Variants in MAPK10 observed in about 807,000 individuals in gnomAD.
The protein encoded by MAPK10 is JNK3 alpha protein kinase.
MAPK10 carries 25 observed loss-of-function variants against 59.3 expected under a neutral mutation model. The ratio of observed to expected loss-of-function variants is 0.42; its 90% CI spans 0.31 to 0.59. The LOEUF is 0.59. Ranked by LOEUF, MAPK10 falls within the 20% of genes least tolerant of loss-of-function variation. The probability of loss-of-function intolerance (pLI) is 0.15; values close to 1 mark genes in which losing one functional copy is unlikely to be tolerated. For synonymous variants in MAPK10, 190 were observed against 200.5 expected (o/e 0.95, Z 0.44); for missense variants, 351 against 568.9 (o/e 0.62, Z 3.90).
intron 1 of MAPK10, among the ~76,000 whole-genome samples, chr4:86,443,528 G>A (rs1421048964): frequency 6.6e-6 from 1 of 150,870 alleles, no homozygotes; most frequent in Non-Finnish European, 1.5e-5. Flanking sequence ...AGAAGCACTT[G>A]TGAAGTTCAC....
chr4:86,065,942 T>C (rs995870717), intron 10 of MAPK10, among the ~76,000 whole-genome samples: 1 of 152,124 alleles, frequency 6.6e-6, no homozygotes, highest in Non-Finnish European at 1.5e-5. Flanking sequence ...TTATATAAAA[T>C]ACAAAAATCA....
At chr4:86,183,181 C>T (rs1050917541) in intron 3 of MAPK10, among the ~76,000 whole-genome samples, 1 of 151,814 alleles carries the variant, frequency 6.6e-6, no homozygotes, top group Admixed American at 6.6e-5. Context: ...GGTACATGTG[C>T]ACATTGTGCA....
rs564164850 is a variant in MAPK10, at chr4:86,119,171, A to G, written c.237-11819T>C. Among the ~76,000 whole-genome samples, 4 of 152,356 alleles carry G rather than the reference A, an allele frequency of 2.6e-5. No homozygotes were observed. In the South Asian group the frequency reaches 8.3e-4, roughly 32 times the overall value. On this transcript the variant is annotated intron_variant, in intron 4 of 13. Coordinates refer to ENST00000641462, the MANE Select transcript of MAPK10 (RefSeq NM_138982.4). ...TCTGAATAATAATAACTTAAGTAAT[A>G]AAGATATTCATTATATCATATAACA...
chr4:86,033,854 G>A (rs2039616692), intron 11 of MAPK10, among the ~76,000 whole-genome samples: 1 of 152,172 alleles, frequency 6.6e-6, no homozygotes, highest in African/African-American at 2.4e-5. Context: ...CAATATAAAA[G>A]AATAATTGAC....
chr4:86,545,086 C>T (rs541855443), intron 1 of MAPK10, among the ~76,000 whole-genome samples: 1 of 152,158 alleles, frequency 6.6e-6, no homozygotes, highest in East Asian at 1.9e-4. Flanking sequence ...AATAAAGGAG[C>T]CAAATAGTGT....
chr4:86,456,669 A>T (rs1452073441), upstream of MAPK10, among the ~76,000 whole-genome samples: 4 of 152,148 alleles, frequency 2.6e-5, no homozygotes, highest in African/African-American at 9.7e-5. Context: ...TAATAAAAAA[A>T]TTACCAACAA....
At chr4:86,267,030 C>A (rs1019567814) in intron 2 of MAPK10, among the ~76,000 whole-genome samples, 1 of 152,060 alleles carries the variant, frequency 6.6e-6, no homozygotes, top group African/African-American at 2.4e-5. Context: ...CTGTATGAAT[C>A]ATTTTGGTCT....
At chr4:86,537,668 G>A (rs111258151) in intron 1 of MAPK10, among the ~76,000 whole-genome samples, 3,256 of 152,118 alleles carry the variant, frequency 0.021, 63 homozygotes, top group Non-Finnish European at 0.033. Context: ...ATTCTGTCAG[G>A]TTGTTTGTGT....
chr4:86,410,234 C>T (rs936081617), intron 1 of MAPK10, among the ~76,000 whole-genome samples: 4 of 152,212 alleles, frequency 2.6e-5, no homozygotes. Flanking sequence ...ACCAGCCTTG[C>T]ATCCCAGGGA....
chr4:86,519,242 C>T (rs1415092085), intron 1 of MAPK10, among the ~76,000 whole-genome samples: 3 of 152,124 alleles, frequency 2.0e-5, no homozygotes, highest in Non-Finnish European at 4.4e-5. Flanking sequence ...ATTGTGTTGG[C>T]ATCTATCTTA....
intron 9 of MAPK10, among the ~76,000 whole-genome samples, chr4:86,086,767 T>A (rs1264105461): frequency 2.0e-5 from 3 of 152,172 alleles, no homozygotes; most frequent in African/African-American, 7.2e-5. Flanking sequence ...GTATTTTCAG[T>A]AACTCATTTC....
intron 11 of MAPK10, among the ~76,000 whole-genome samples, chr4:86,041,564 A>C (rs1318335127): frequency 2.6e-5 from 4 of 152,168 alleles, no homozygotes; most frequent in Non-Finnish European, 5.9e-5. Flanking sequence ...AAGGGAGAAA[A>C]TTTTTGCAAT....
chr4:86,323,383 A>G (rs1170989597), intron 2 of MAPK10, among the ~76,000 whole-genome samples: 1 of 152,166 alleles, frequency 6.6e-6, no homozygotes, highest in African/African-American at 2.4e-5. Context: ...TCTGACATCA[A>G]TTAGAAGTGG....
chr4:86,332,189 AAC>A (rs1379865662), intron 2 of MAPK10, among the ~76,000 whole-genome samples: 1 of 152,192 alleles, frequency 6.6e-6, no homozygotes, highest in East Asian at 1.9e-4. Flanking sequence ...AAGATATTAA[AAC>A]AATAAATTAT....
intron 2 of MAPK10, among the ~76,000 whole-genome samples, chr4:86,304,147 G>C (rs899683976): frequency 2.0e-5 from 3 of 152,156 alleles, no homozygotes; most frequent in Non-Finnish European, 4.4e-5. Context: ...AGGAGGAAAG[G>C]AAAGTCAATA....
chr4:86,028,685 TA>T (rs1751581316), intron 13 of MAPK10: 1 of 165,124 alleles, frequency 6.1e-6, no homozygotes, highest in Non-Finnish European at 1.3e-5. Context: ...GTAAAAAATA[TA>T]TATGCACAAT....
At chr4:86,587,330 T>C (rs1481150955) in intron 1 of MAPK10, among the ~76,000 whole-genome samples, 1 of 152,244 alleles carries the variant, frequency 6.6e-6, no homozygotes, top group Admixed American at 6.5e-5. Context: ...TCTCAAATTT[T>C]AAAGAGCGTT....
intron 9 of MAPK10, chr4:86,081,226 A>G (rs572633081): frequency 3.3e-5 from 5 of 152,188 alleles, no homozygotes; most frequent in Admixed American, 3.3e-4. Flanking sequence ...TCTTTCACAC[A>G]TACACAAAAA....
chr4:86,202,782 T>C (rs2082933345), intron 2 of MAPK10, among the ~76,000 whole-genome samples: 1 of 152,024 alleles, frequency 6.6e-6, no homozygotes, highest in South Asian at 2.1e-4. Flanking sequence ...TGAATAATCT[T>C]GCTATGAAAA....
Sources: allele counts gnomAD v4.1 joint callset (sites outside exome capture counted in the v4.1 genomes callset), GRCh38; gene constraint gnomAD v4.1.1; transcripts MANE v1.5; gene names NCBI Gene and HGNC (gene_info 2026-07-23, HGNC 2026-07-21).